CLTRN: variants seen among roughly 807,000 people sequenced by gnomAD.
CLTRN encodes collectrin.
In CLTRN, 12 loss-of-function variants were observed where a neutral mutation model predicts 14.5. The ratio of observed to expected loss-of-function variants is 0.83; its 90% CI spans 0.53 to 1.34. The LOEUF (loss-of-function observed/expected upper bound fraction) is 1.34, where lower values mean the gene tolerates loss of function less well. CLTRN is among the 40% of genes most tolerant of loss of function. The pLI is 0.00. For synonymous variants in CLTRN, 58 were observed against 56.5 expected (o/e 1.03, Z -0.12); for missense variants, 154 against 165.1 (o/e 0.93, Z 0.37).
rs1929146082 is a variant in CLTRN, at chrX:15,648,643, T to G, written c.204-3614A>C. Among the ~76,000 whole-genome samples the G allele has an allele frequency of 2.7e-5, 3 of 110,773 alleles. No individual in the cohort carries two copies. The South Asian group carries it at 1.1e-3, about 42-fold the overall frequency. On this transcript the variant is annotated intron_variant, in intron 3 of 5. Transcript: ENST00000380342. Reference sequence around the variant, plus strand: ...CTGGCCAGCATGGTGAAACCCCATCTCTACGAAAAATACAAAAATTAGCTA... The same window carrying G: ...CTGGCCAGCATGGTGAAACCCCATCGCTACGAAAAATACAAAAATTAGCTA...
At chrX:15,633,360 T>C (rs960859585) in intron 5 of CLTRN, among the ~76,000 whole-genome samples, 4 of 112,225 alleles carry the variant, frequency 3.6e-5, no homozygotes, top group Non-Finnish European at 7.5e-5. Flanking sequence ...ACTACGTGCC[T>C]CATCTCTGTT....
rs2147192732 is a variant in CLTRN, at chrX:15,627,969, C to T, written c.*2G>A. The T allele has an allele frequency of 2.0e-6, 2 of 1,018,575 alleles. No homozygotes were observed. Among genetic ancestry groups the T allele is most frequent in the Non-Finnish European group, 1.3e-6 (1 of 790,309 alleles). The allele number at this position is 1,018,575 out of a possible 1,213,427, so 83.9% of individuals were successfully genotyped here. ...TTCTTGAGGAAGCAGAACAACAGCC[C>T]TTCAGAGAGGGGTGAGCCTCTCATC... On this transcript the variant is annotated 3_prime_UTR_variant, in exon 6 of 6. Transcript: ENST00000380342.
At chrX:15,650,362 T>C (rs749300785) in intron 3 of CLTRN, among the ~76,000 whole-genome samples, 1 of 111,520 alleles carries the variant, frequency 9.0e-6, no homozygotes, top group Non-Finnish European at 1.9e-5. Flanking sequence ...GGCAACGTTT[T>C]AATGCTTTTG....
chrX:15,672,362 TTC>T (rs1929735059), intron 1 of CLTRN, among the ~76,000 whole-genome samples: 1 of 111,272 alleles, frequency 9.0e-6, no homozygotes, highest in East Asian at 2.8e-4. Flanking sequence ...CAAGTCAATT[TTC>T]TCTTTTTACT....
At chrX:15,669,420 A>G (rs1929676780), upstream of CLTRN, among the ~76,000 whole-genome samples, 2 of 112,261 alleles carry the variant, frequency 1.8e-5, no homozygotes, top group African/African-American at 6.5e-5. Flanking sequence ...TTACTTCCAA[A>G]CGTTCAGAGT....
chrX:15,636,123 T>C (rs1162588335), intron 5 of CLTRN, among the ~76,000 whole-genome samples: 1 of 112,150 alleles, frequency 8.9e-6, no homozygotes, highest in African/African-American at 3.2e-5. Flanking sequence ...GTACAGCCAT[T>C]ATGGAAAACA....
chrX:15,658,993 A>C, intron 3 of CLTRN, 23 bp downstream of exon 3: 1 of 942,229 alleles, frequency 1.1e-6, no homozygotes, highest in Non-Finnish European at 1.5e-6. Context: ...ATAATCAGTT[A>C]AGATTTCTCA....
upstream of CLTRN, among the ~76,000 whole-genome samples, chrX:15,666,882 T>G: frequency 8.9e-6 from 1 of 112,186 alleles, no homozygotes; most frequent in Non-Finnish European, 1.9e-5. Context: ...TCAATACACA[T>G]AGAGATTGTA....
At chrX:15,638,177 T>C (rs1401966379) in intron 5 of CLTRN, among the ~76,000 whole-genome samples, 1 of 112,362 alleles carries the variant, frequency 8.9e-6, no homozygotes, top group South Asian at 3.7e-4. Flanking sequence ...AAGCATTGCA[T>C]GAGAATATTT....
chrX:15,673,335 T>C (rs1226899952), intron 1 of CLTRN, among the ~76,000 whole-genome samples: 1 of 112,412 alleles, frequency 8.9e-6, no homozygotes, highest in Non-Finnish European at 1.9e-5. Context: ...TGAGTGTTAA[T>C]CTTACCATTG....
At chrX:15,673,174 T>C (rs1445269323) in intron 1 of CLTRN, among the ~76,000 whole-genome samples, 1 of 112,821 alleles carries the variant, frequency 8.9e-6, no homozygotes, top group Non-Finnish European at 1.9e-5. Flanking sequence ...CAAACAGTGC[T>C]TCTCAAAAGC....
chrX:15,645,075 A>G, intron 3 of CLTRN, 46 bp from the exon 4 acceptor site: 2 of 828,910 alleles, frequency 2.4e-6, no homozygotes, highest in Non-Finnish European at 3.5e-6. Flanking sequence ...ATATCATACC[A>G]AATGGCATTA....
intron 3 of CLTRN, chrX:15,646,689 G>A (rs1929084447): frequency 8.8e-6 from 3 of 341,545 alleles, no homozygotes; most frequent in Admixed American, 3.1e-5. Flanking sequence ...GGTTCCCGAG[G>A]CCTGGAGGTG....
In CLTRN at chrX:15,644,948, G is replaced by A. The variant is rs768387827; in HGVS notation, c.285C>T (p.Thr95=). ...CTGATTGCACCTCAACAGCAGGAAGGGTGTGATTTTTTGAAGGGTCTGTAA... is the reference window on the plus strand; with the variant it reads ...CTGATTGCACCTCAACAGCAGGAAGAGTGTGATTTTTTGAAGGGTCTGTAA... ...FVVTDPSKNH[T]LPAVEVQSAI... is the part of the protein sequence containing the mutation. Residue 95 remains threonine, a synonymous_variant, in exon 4 of 6, where the codon ACC becomes ACT. Coordinates refer to ENST00000380342, the MANE Select transcript of CLTRN (RefSeq NM_020665.6). 11 of 1,206,595 alleles carry A rather than the reference G, an allele frequency of 9.1e-6. No homozygotes were observed. The highest frequency in any genetic ancestry group is 1.2e-5 in the Non-Finnish European group (11 of 892,596).
chrX:15,646,458 A>AACCCCCCCCCCCCCCCCCCCCCCC, intron 3 of CLTRN: 1 of 228,794 alleles, frequency 4.4e-6, no homozygotes, highest in Non-Finnish European at 8.0e-6. Flanking sequence ...AAAACCGCGC[A>AACCCCCCCCCCCCCCCCCCCCCCC]CCCACCCCCC....
At chrX:15,675,038 G>A (rs183583234), upstream of CLTRN, 4 of 113,049 alleles carry the variant, frequency 3.5e-5, no homozygotes, top group East Asian at 1.1e-3. Flanking sequence ...AGCCACGGTG[G>A]GAACGGCCAC....
At chrX:15,646,578 T>C (rs766461497) in intron 3 of CLTRN, 64 of 337,751 alleles carry the variant, frequency 1.9e-4, no homozygotes, top group African/African-American at 1.3e-3. Context: ...GCGCTGGGTC[T>C]GCATCCAGCC....
rs772135484 is a variant in CLTRN at position 15,644,933 on chromosome X, C to T, written c.300G>A (p.Glu100=). 3 of 1,200,389 alleles carry T rather than the reference C, an allele frequency of 2.5e-6. No homozygotes were observed. The highest frequency in any genetic ancestry group is 3.4e-6 in the Non-Finnish European group (3 of 888,807). Residue 100 remains glutamate, a synonymous_variant, in exon 4 of 6, where the codon GAG becomes GAA. Coordinates refer to ENST00000380342, the MANE Select transcript of CLTRN (RefSeq NM_020665.6). ...GTGATTACCTTATGGCTGATTGCAC[C>T]TCAACAGCAGGAAGGGTGTGATTTT... The part of the protein sequence containing the change: ...PSKNHTLPAV[E]VQSAIRMNKN...
chrX:15,672,721 C>T (rs962922658), intron 1 of CLTRN, among the ~76,000 whole-genome samples: 2 of 111,477 alleles, frequency 1.8e-5, no homozygotes, highest in Admixed American at 9.6e-5. Flanking sequence ...CAAGAGATCC[C>T]TATTACTACA....
Sources: gnomAD v4.1 joint callset for allele counts (sites outside exome capture counted in the v4.1 genomes callset) on GRCh38, gnomAD v4.1.1 for gene constraint, MANE v1.5 for transcripts, NCBI Gene and HGNC (gene_info 2026-07-23, HGNC 2026-07-21) for gene names.